The following WDTC1 variants were observed in gnomAD, a reference collection of about 807,000 sequenced individuals.
WDTC1 encodes the protein WD and tetratricopeptide repeats 1, also known as WD and tetratricopeptide repeats protein 1.
A neutral mutation model predicts 76.0 loss-of-function variants in WDTC1; 12 were observed. That is an observed-to-expected ratio of 0.16 (90% CI 0.10 to 0.26). WDTC1 has a LOEUF of 0.26. Ranked by LOEUF, WDTC1 falls within the 10% of genes least tolerant of loss-of-function variation. The pLI is 1.00. For synonymous variants in WDTC1, 326 were observed against 350.8 expected (o/e 0.93, Z 0.79); for missense variants, 511 against 908.8 (o/e 0.56, Z 5.63).
chr1:27,270,775 A>G (rs1415740388), intron 3 of WDTC1, among the ~76,000 whole-genome samples: 1 of 152,190 alleles, frequency 6.6e-6, no homozygotes, highest in Non-Finnish European at 1.5e-5. Flanking sequence ...CAAACAAACA[A>G]TAAAAACAGA....
At chr1:27,300,540 T>G (rs1394672940) in intron 12 of WDTC1, among the ~76,000 whole-genome samples, 1 of 152,066 alleles carries the variant, frequency 6.6e-6, no homozygotes, top group African/African-American at 2.4e-5. Context: ...CATCCATGCT[T>G]CAGGAGGTTG....
chr1:27,276,520 C>T (rs191848368), intron 3 of WDTC1, among the ~76,000 whole-genome samples: 47 of 152,006 alleles, frequency 3.1e-4, no homozygotes, highest in Admixed American at 3.1e-3. Flanking sequence ...CAGTGAAACC[C>T]CATCTCTACT....
chr1:27,275,244 A>G (rs2012988082), intron 3 of WDTC1, among the ~76,000 whole-genome samples: 1 of 152,216 alleles, frequency 6.6e-6, no homozygotes, highest in African/African-American at 2.4e-5. Flanking sequence ...GAAACAAGTC[A>G]TATGAAACTA....
chr1:27,286,918 T>C (rs934342465), intron 5 of WDTC1, among the ~76,000 whole-genome samples: 6 of 152,018 alleles, frequency 3.9e-5, no homozygotes, highest in African/African-American at 1.2e-4. Flanking sequence ...ATCCCAGCAC[T>C]TTGGGAGGCC....
At chr1:27,270,513 T>G (rs2012835723) in intron 3 of WDTC1, among the ~76,000 whole-genome samples, 1 of 152,060 alleles carries the variant, frequency 6.6e-6, no homozygotes, top group African/African-American at 2.4e-5. Flanking sequence ...GCTAACACGG[T>G]GAAACCCTGT....
intron 1 of WDTC1, among the ~76,000 whole-genome samples, chr1:27,237,707 C>G (rs1226608361): frequency 6.6e-6 from 1 of 151,742 alleles, no homozygotes; most frequent in Non-Finnish European, 1.5e-5. Flanking sequence ...AAAAATTAGC[C>G]GGGCATGGTG....
chr1:27,234,792 G>A lies in WDTC1; in HGVS notation c.-259G>A. On this transcript the variant is annotated 5_prime_UTR_variant, in exon 1 of 16. Transcript: ENST00000319394. ...GGAGGCGCTGTCCGGCCCCGGCCAGGCGCCGGGCGGGGAGCATGGGAAGGG... is the reference window on the plus strand; with the variant it reads ...GGAGGCGCTGTCCGGCCCCGGCCAGACGCCGGGCGGGGAGCATGGGAAGGG... The A allele has an allele frequency of 2.5e-6, 1 of 398,228 alleles. No homozygotes were observed. Among genetic ancestry groups the A allele is most frequent in the East Asian group, 3.6e-5 (1 of 27,974 alleles). The allele number at this position is 398,228 out of a possible 1,614,324, so 24.7% of individuals were successfully genotyped here.
rs985876836 is a variant in WDTC1 at position 27,308,232 on chromosome 1, A to G, written c.*1849A>G. 6.6e-6 allele frequency: 1 copy of G among 152,188 alleles called. No homozygotes were observed. The highest frequency in any genetic ancestry group is 1.5e-5 in the Non-Finnish European group (1 of 68,080). The allele number at this position is 152,188 out of a possible 1,614,324, so 9.4% of individuals were successfully genotyped here. ...GAGGGTGACGCAATTGATTAAAACC[A>G]TTTTGTTCTAGGTGTGGCTGGTGGC... On this transcript the variant is annotated 3_prime_UTR_variant, in exon 16 of 16. Transcript: ENST00000319394.
intron 1 of WDTC1, among the ~76,000 whole-genome samples, chr1:27,243,069 T>C (rs1160054826): frequency 6.6e-6 from 1 of 152,102 alleles, no homozygotes; most frequent in Non-Finnish European, 1.5e-5. Flanking sequence ...CTCTTTAAAT[T>C]TGTGTTTGAG....
Position 27,300,226 on chromosome 1 carries a change from C to T in WDTC1, c.1233-1000C>T, listed in dbSNP as rs567034802. 9.9e-5 allele frequency among the ~76,000 whole-genome samples: 15 copies of T among 152,164 alleles called. No individual in the cohort carries two copies. In the East Asian group the frequency reaches 2.1e-3, roughly 22 times the overall value. ...CATGTCAGGCCTGCCTTAGCCATGC[C>T]GGATTGTTGTGAGCTGTGCCCTTGG... is the stretch of plus-strand genomic sequence containing the variant. On this transcript the variant is annotated intron_variant, in intron 12 of 15. Coordinates refer to ENST00000319394, the MANE Select transcript of WDTC1 (RefSeq NM_001276252.2).
chr1:27,264,352 G>C (rs1252068214), intron 3 of WDTC1, among the ~76,000 whole-genome samples: 1 of 152,074 alleles, frequency 6.6e-6, no homozygotes, highest in Non-Finnish European at 1.5e-5. Context: ...AGCTATTTGG[G>C]AGGCTGAGAC....
chr1:27,279,759 A>T (rs1390663259), intron 3 of WDTC1, among the ~76,000 whole-genome samples: 2 of 152,038 alleles, frequency 1.3e-5, no homozygotes, highest in African/African-American at 4.8e-5. Flanking sequence ...TAGAGCTAGC[A>T]TCTCACTATG....
At chr1:27,280,648 G>A (rs2013161451) in intron 3 of WDTC1, among the ~76,000 whole-genome samples, 1 of 152,192 alleles carries the variant, frequency 6.6e-6, no homozygotes, top group Admixed American at 6.5e-5. Context: ...GTCTTTCCTA[G>A]TTGGCATTTT....
chr1:27,296,880 C>T (rs1209276273), intron 10 of WDTC1, among the ~76,000 whole-genome samples, 168 bp from the exon 11 acceptor site: 2 of 151,872 alleles, frequency 1.3e-5, no homozygotes, highest in African/African-American at 4.8e-5. Flanking sequence ...AGAGGGCGCA[C>T]GGGCTTTTCT....
At chr1:27,254,461 T>C (rs571005882) in intron 1 of WDTC1, among the ~76,000 whole-genome samples, 2 of 152,016 alleles carry the variant, frequency 1.3e-5, no homozygotes, top group East Asian at 3.9e-4. Context: ...TAGCTAAACA[T>C]GGTGATGCAC....
At chr1:27,265,850 G>A (rs930242107) in intron 3 of WDTC1, among the ~76,000 whole-genome samples, 1 of 152,078 alleles carries the variant, frequency 6.6e-6, no homozygotes, top group African/African-American at 2.4e-5. Context: ...GGGAGGCTGA[G>A]GCAGGAGAAT....
At chr1:27,294,963 T>C (rs2013644514) in intron 9 of WDTC1, among the ~76,000 whole-genome samples, 1 of 152,242 alleles carries the variant, frequency 6.6e-6, no homozygotes, top group Admixed American at 6.5e-5. Context: ...CAAGTCTCTT[T>C]ATTTTTCTGA....
chr1:27,287,981 A>G (rs2013392145), intron 6 of WDTC1, 120 bp downstream of exon 6: 15 of 1,274,938 alleles, frequency 1.2e-5, no homozygotes, highest in Non-Finnish European at 1.5e-5. Context: ...TTGTCTGCCC[A>G]GGGCAGTTGT....
intron 6 of WDTC1, 85 bp downstream of exon 6, chr1:27,287,946 C>T: frequency 6.7e-7 from 1 of 1,486,278 alleles, no homozygotes; most frequent in Middle Eastern, 2.1e-4. Context: ...CTAGCTCTTT[C>T]CCTCCAGCAG....
Sources: allele counts gnomAD v4.1 joint callset (sites outside exome capture counted in the v4.1 genomes callset), GRCh38; gene constraint gnomAD v4.1.1; transcripts MANE v1.5; gene names NCBI Gene and HGNC (gene_info 2026-07-23, HGNC 2026-07-21).